RBFOX1: variants seen among roughly 807,000 people sequenced by gnomAD.
The protein encoded by RBFOX1 is RNA binding protein fox-1 homolog 1.
In RBFOX1, 8 loss-of-function variants were observed where a neutral mutation model predicts 57.7. That is an observed-to-expected ratio of 0.14 (90% CI 0.08 to 0.25). The LOEUF is 0.25. RBFOX1 is among the 10% of genes least tolerant of loss of function. RBFOX1 has a pLI of 1.00. For synonymous variants in RBFOX1, 326 were observed against 222.4 expected (o/e 1.47, Z -4.15); for missense variants, 611 against 548.5 (o/e 1.11, Z -1.14).
At chr16:6,734,395 A>C (rs1244481513) in intron 3 of RBFOX1, among the ~76,000 whole-genome samples, 5 of 152,198 alleles carry the variant, frequency 3.3e-5, no homozygotes, top group Admixed American at 6.5e-5. Context: ...TAATTTACTG[A>C]ACACTGACAA....
intron 1 of RBFOX1, among the ~76,000 whole-genome samples, chr16:6,036,449 T>C (rs2152402379): frequency 6.6e-6 from 1 of 152,284 alleles, no homozygotes; most frequent in South Asian, 2.1e-4. Flanking sequence ...TCCCATGGAA[T>C]TGTGTGGTAA....
intron 2 of RBFOX1, among the ~76,000 whole-genome samples, chr16:5,551,189 C>G (rs2045449582): frequency 6.6e-6 from 1 of 152,202 alleles, no homozygotes; most frequent in African/African-American, 2.4e-5. Context: ...GTCTCTGGAG[C>G]TCTTACCCCG....
chr16:6,224,346 T>C lies in RBFOX1; in HGVS notation c.-126-92649T>C, dbSNP rs113523035. On this transcript the variant is annotated intron_variant, in intron 1 of 15. Coordinates refer to ENST00000550418, the MANE Select transcript of RBFOX1 (RefSeq NM_018723.4). ...ATTCTTTCTAACCATGAGCATGGAA[T>C]GTTCTTCTGTTTGTATCCTTTTTTA... 2.2e-3 allele frequency among the ~76,000 whole-genome samples: 337 copies of C among 152,318 alleles called. 1 individual carries two copies. Among genetic ancestry groups the C allele is most frequent in the African/African-American group, 7.7e-3 (322 of 41,574 alleles).
chr16:6,875,669 T>A (rs1013589083), intron 3 of RBFOX1, among the ~76,000 whole-genome samples: 14 of 152,230 alleles, frequency 9.2e-5, no homozygotes, highest in African/African-American at 2.7e-4. Context: ...GAAGTTATAT[T>A]TTCTTTATAC....
At chr16:6,557,076 CATAT>C (rs1555548936) in intron 2 of RBFOX1, among the ~76,000 whole-genome samples, 1 of 145,076 alleles carries the variant, frequency 6.9e-6, no homozygotes, top group Admixed American at 7.0e-5. Flanking sequence ...TACATATATA[CATAT>C]ATACATACAT....
At chr16:7,318,883 T>A (rs2096492850) in intron 4 of RBFOX1, among the ~76,000 whole-genome samples, 1 of 152,024 alleles carries the variant, frequency 6.6e-6, no homozygotes, top group Non-Finnish European at 1.5e-5. Flanking sequence ...ATTATAAAAA[T>A]AACAACGAAG....
chr16:6,035,855 G>T (rs1168909690), intron 1 of RBFOX1, among the ~76,000 whole-genome samples: 3 of 152,156 alleles, frequency 2.0e-5, no homozygotes, highest in East Asian at 3.9e-4. Context: ...CTTATCATGA[G>T]GTATTAGCTT....
chr16:6,360,973 A>G (rs563289142), intron 2 of RBFOX1, among the ~76,000 whole-genome samples: 1 of 148,712 alleles, frequency 6.7e-6, no homozygotes, highest in Admixed American at 6.7e-5. Context: ...ATTTTATTTT[A>G]TTTATTTTTA....
intron 3 of RBFOX1, among the ~76,000 whole-genome samples, chr16:6,959,093 T>G (rs2082420169): frequency 2.0e-5 from 3 of 152,178 alleles, no homozygotes; most frequent in South Asian, 4.2e-4. Context: ...AGATAGGCAT[T>G]TTCTTTTTTC....
intron 4 of RBFOX1, among the ~76,000 whole-genome samples, chr16:7,112,155 T>A (rs1599815739): frequency 6.6e-6 from 1 of 152,176 alleles, no homozygotes; most frequent in South Asian, 2.1e-4. Context: ...ATGAGAAAAT[T>A]CAGAATCATA....
chr16:7,179,259 A>G (rs1463533693), intron 4 of RBFOX1, among the ~76,000 whole-genome samples: 1 of 151,356 alleles, frequency 6.6e-6, no homozygotes, highest in Admixed American at 6.6e-5. Flanking sequence ...TACTTAAGTT[A>G]TCCTTGCTTT....
intron 3 of RBFOX1, among the ~76,000 whole-genome samples, chr16:6,789,215 C>T (rs1403809461): frequency 6.6e-6 from 1 of 152,034 alleles, no homozygotes; most frequent in Non-Finnish European, 1.5e-5. Context: ...ATGAAATGCA[C>T]GTGACAAGAT....
intron 3 of RBFOX1, among the ~76,000 whole-genome samples, chr16:5,823,025 C>T (rs1295689083): frequency 6.6e-6 from 1 of 152,148 alleles, no homozygotes; most frequent in African/African-American, 2.4e-5. Context: ...ATCTCAAGGA[C>T]TTATTCATCA....
intron 4 of RBFOX1, among the ~76,000 whole-genome samples, chr16:5,962,098 G>A (rs1022453754): frequency 6.6e-6 from 1 of 152,122 alleles, no homozygotes; most frequent in East Asian, 1.9e-4. Context: ...GTTCCAGGTG[G>A]TATGATGAAT....
At chr16:5,510,502 T>TG (rs2043545610) in intron 2 of RBFOX1, among the ~76,000 whole-genome samples, 1 of 109,964 alleles carries the variant, frequency 9.1e-6, no homozygotes, top group Non-Finnish European at 1.9e-5. Flanking sequence ...TCCCACCAAG[T>TG]TTTGGCCAAA....
At chr16:7,453,395 G>T (rs2057790361) in intron 4 of RBFOX1, among the ~76,000 whole-genome samples, 1 of 152,086 alleles carries the variant, frequency 6.6e-6, no homozygotes, top group Non-Finnish European at 1.5e-5. Flanking sequence ...GTCAGGTGGG[G>T]ATAAGTAGGC....
chr16:6,961,082 G>T (rs1015803078), intron 3 of RBFOX1, among the ~76,000 whole-genome samples: 1 of 150,658 alleles, frequency 6.6e-6, no homozygotes, highest in South Asian at 2.1e-4. Context: ...GGCGGGAGTT[G>T]CAGTGAGCCG....
At chr16:5,344,450 A>C (rs889405800) in intron 1 of RBFOX1, among the ~76,000 whole-genome samples, 3 of 152,112 alleles carry the variant, frequency 2.0e-5, no homozygotes, top group Admixed American at 2.0e-4. Flanking sequence ...AATTACACTC[A>C]CTGGATGCTT....
chr16:6,559,356 A>G (rs1483773420), intron 2 of RBFOX1, among the ~76,000 whole-genome samples: 1 of 152,088 alleles, frequency 6.6e-6, no homozygotes, highest in Non-Finnish European at 1.5e-5. Flanking sequence ...ATATGTGTGT[A>G]TATATACACA....
Sources: allele counts gnomAD v4.1 joint callset (sites outside exome capture counted in the v4.1 genomes callset), GRCh38; gene constraint gnomAD v4.1.1; transcripts MANE v1.5; gene names NCBI Gene and HGNC (gene_info 2026-07-23, HGNC 2026-07-21).